The following ATL1 variants were observed in gnomAD, a reference collection of about 807,000 sequenced individuals.
The protein encoded by ATL1 is atlastin-1.
A neutral mutation model predicts 75.5 loss-of-function variants in ATL1; 31 were observed. That is an observed-to-expected ratio of 0.41 (90% CI 0.31 to 0.55). ATL1 has a LOEUF of 0.55. Ranked by LOEUF, ATL1 falls within the 20% of genes least tolerant of loss-of-function variation. The pLI is 0.27. For missense variants in ATL1, 405 were observed against 662.6 expected (o/e 0.61, Z 4.27); for synonymous variants, 226 against 233.3 (o/e 0.97, Z 0.28).
upstream of ATL1, among the ~76,000 whole-genome samples, chr14:50,558,297 T>C (rs2038789759): frequency 6.6e-6 from 1 of 152,130 alleles, no homozygotes; most frequent in Non-Finnish European, 1.5e-5. Flanking sequence ...AGGTGGAGGT[T>C]GTAGTGAGCT....
In ATL1 at chr14:50,628,042, T is replaced by G; in HGVS notation, c.1131T>G (p.Gly377=). Residue 377 remains glycine (G), a synonymous_variant, in exon 12 of 14, where the codon GGT becomes GGG. Transcript: ENST00000358385. ...TCTATCTGATACAGATTTGTGGTGG[T>G]GACAAACCATTTCTGGCCCCAAATG... ...YNKKMEEICG[G]DKPFLAPNDL... is the part of the protein sequence containing the mutation. 6.2e-7 allele frequency: 1 copy of G among 1,614,194 alleles called. No homozygotes were observed. The highest frequency in any genetic ancestry group is 8.5e-7 in the Non-Finnish European group (1 of 1,180,026).
At chr14:50,616,557 C>A (rs1270054463) in intron 8 of ATL1, among the ~76,000 whole-genome samples, 2 of 151,894 alleles carry the variant, frequency 1.3e-5, no homozygotes, top group East Asian at 3.9e-4. Context: ...GAACTCCTGG[C>A]CTCAAGTGAT....
chr14:50,596,335 C>A lies in ATL1; in HGVS notation c.630+703C>A, dbSNP rs2039216854. Among the ~76,000 whole-genome samples, 4 of 151,944 alleles carry A rather than the reference C, an allele frequency of 2.6e-5. No individual in the cohort carries two copies. In the South Asian group the frequency reaches 8.3e-4, roughly 32 times the overall value. ...AAAAAAAAATTCTAAATTTGTATGACATATAGCCTCAAAATATATAAAGAT... is the reference window on the plus strand; with the variant it reads ...AAAAAAAAATTCTAAATTTGTATGAAATATAGCCTCAAAATATATAAAGAT... On this transcript the variant is annotated intron_variant, in intron 6 of 13. Transcript: ENST00000358385.
In ATL1 at chr14:50,620,678, G is replaced by C; in HGVS notation, c.942G>C (p.Glu314Asp). 6.2e-7 allele frequency: 1 copy of C among 1,613,792 alleles called. No homozygotes were observed. Among genetic ancestry groups the C allele is most frequent in the Non-Finnish European group, 8.5e-7 (1 of 1,179,788 alleles). ...GTCCCGAGAGCCTAGATATTAAAGAGATCAATGGGAATAAAATCACCTGCC... is the reference window on the plus strand; with the variant it reads ...GTCCCGAGAGCCTAGATATTAAAGACATCAATGGGAATAAAATCACCTGCC... ...LLSPESLDIK[E>D]INGNKITCRG... is the part of the protein sequence containing the mutation. Residue 314 changes from glutamate to aspartate, a missense_variant, in exon 9 of 14, where the codon GAG becomes GAC. Physicochemically the swap from Glu to Asp is conservative, Grantham distance 45. This residue lies in a region of ATL1 where 56 missense variants were observed against 66.6 expected (regional missense o/e 0.84). Transcript: ENST00000358385.
chr14:50,620,632 T>G lies in ATL1; in HGVS notation c.896T>G (p.Ile299Arg). Residue 299 changes from isoleucine to arginine, a missense_variant, in exon 9 of 14, where the codon ATA becomes AGA. Coordinates refer to ENST00000358385, the MANE Select transcript of ATL1 (RefSeq NM_015915.5). ...GATGAATTCATCAAAAACTTGAAAA[T>G]ACTGATTCCTTGGCTACTTAGTCCC... is the stretch of plus-strand genomic sequence containing the variant. ...IDDEFIKNLK[I>R]LIPWLLSPES... 2 of 1,613,482 alleles carry G rather than the reference T, an allele frequency of 1.2e-6. No homozygotes were observed. The highest frequency in any genetic ancestry group is 2.2e-5 in the South Asian group (2 of 91,066).
At chr14:50,559,936 G>A (rs2038813969), upstream of ATL1, 1 of 414,848 alleles carries the variant, frequency 2.4e-6, no homozygotes, top group South Asian at 2.8e-5. Flanking sequence ...TGTTCGAGGG[G>A]GGTGCTGTTT....
chr14:50,577,117 C>A (rs1415353298), intron 1 of ATL1, among the ~76,000 whole-genome samples: 1 of 152,138 alleles, frequency 6.6e-6, no homozygotes, highest in Non-Finnish European at 1.5e-5. Flanking sequence ...GGCTGGAATG[C>A]AGTGGCGCAA....
In ATL1 at chr14:50,581,672, G is replaced by T. The variant is rs537287199; in HGVS notation, c.35-6159G>T. ...ATTTCTGGTTTAATTCCTTTATGAT[G>T]AGATAACATATTCTTTCTTACTGTA... is the stretch of plus-strand genomic sequence containing the variant. On this transcript the variant is annotated intron_variant, in intron 1 of 13. Coordinates refer to ENST00000358385, the MANE Select transcript of ATL1 (RefSeq NM_015915.5). Among the ~76,000 whole-genome samples, 4 of 152,176 alleles carry T rather than the reference G, an allele frequency of 2.6e-5. No individual in the cohort carries two copies. In the East Asian group the frequency reaches 7.7e-4, roughly 29 times the overall value.
intron 1 of ATL1, among the ~76,000 whole-genome samples, chr14:50,572,334 A>T (rs988254480): frequency 6.6e-6 from 1 of 151,952 alleles, no homozygotes. Context: ...AGTCTATTAA[A>T]CCTCCTGGAC....
chr14:50,628,532 A>C (rs768064816), intron 12 of ATL1, 70 bp downstream of exon 12: 2 of 1,488,796 alleles, frequency 1.3e-6, no homozygotes, highest in Admixed American at 1.9e-5. Context: ...CAGCCACTGC[A>C]TTAGATGTTG....
chr14:50,570,607 T>A (rs928679084), intron 1 of ATL1, among the ~76,000 whole-genome samples: 2 of 152,198 alleles, frequency 1.3e-5, no homozygotes, highest in Non-Finnish European at 2.9e-5. Flanking sequence ...TTTGTTTGTA[T>A]GTCATTTTCT....
intron 1 of ATL1, among the ~76,000 whole-genome samples, chr14:50,536,891 A>G (rs1288394671): frequency 1.3e-5 from 2 of 152,244 alleles, no homozygotes; most frequent in African/African-American, 2.4e-5. Flanking sequence ...TAAGGGAAGC[A>G]CAGCATAAAA....
At chr14:50,619,415 CT>C (rs1237260664) in intron 8 of ATL1, among the ~76,000 whole-genome samples, 3 of 152,046 alleles carry the variant, frequency 2.0e-5, no homozygotes, top group Admixed American at 6.6e-5. Flanking sequence ...GTTGGCCAGG[CT>C]GGTCTCAGAC....
At chr14:50,577,858 T>C (rs962107381) in intron 1 of ATL1, among the ~76,000 whole-genome samples, 1 of 152,208 alleles carries the variant, frequency 6.6e-6, no homozygotes, top group Admixed American at 6.5e-5. Context: ...TGCTGAATAA[T>C]ATTTCATTGT....
intron 1 of ATL1, among the ~76,000 whole-genome samples, chr14:50,547,961 G>C (rs570771948): frequency 6.6e-6 from 1 of 152,236 alleles, no homozygotes; most frequent in Non-Finnish European, 1.5e-5. Context: ...CTCTTTGCCT[G>C]CCTCAGTCTC....
intron 6 of ATL1, among the ~76,000 whole-genome samples, chr14:50,606,736 T>C (rs537790502): frequency 5.4e-4 from 82 of 152,148 alleles, no homozygotes; most frequent in African/African-American, 1.8e-3. Flanking sequence ...TAGAGGACTT[T>C]AGTATTCATT....
intron 13 of ATL1, among the ~76,000 whole-genome samples, chr14:50,631,869 G>T (rs1361980632): frequency 6.6e-6 from 1 of 152,140 alleles, no homozygotes; most frequent in African/African-American, 2.4e-5. Context: ...AATAGTTACT[G>T]CCAATCAGAA....
At chr14:50,543,425 C>T (rs1278318944) in intron 1 of ATL1, among the ~76,000 whole-genome samples, 2 of 152,204 alleles carry the variant, frequency 1.3e-5, no homozygotes, top group East Asian at 3.8e-4. Context: ...ACCTTCCCTG[C>T]TTGGAAAGCT....
chr14:50,556,271 C>A (rs929756331), upstream of ATL1, among the ~76,000 whole-genome samples: 7 of 152,130 alleles, frequency 4.6e-5, no homozygotes, highest in African/African-American at 7.2e-5. Flanking sequence ...GCTCTGTCAT[C>A]CAGGCTGAAG....
Sources: allele counts gnomAD v4.1 joint callset (sites outside exome capture counted in the v4.1 genomes callset), GRCh38; gene constraint gnomAD v4.1.1; regional missense constraint gnomAD v4.1.1; transcripts MANE v1.5; gene names NCBI Gene and HGNC (gene_info 2026-07-23, HGNC 2026-07-21).